The following TRIM11 variants were observed in gnomAD, a reference collection of about 807,000 sequenced individuals.
The protein encoded by TRIM11 is tripartite motif containing 11.
In TRIM11, 15 loss-of-function variants were observed where a neutral mutation model predicts 33.4. The observed-to-expected ratio is 0.45, with a 90% CI of 0.30 to 0.69. TRIM11 has a LOEUF of 0.69. TRIM11 is among the 30% of genes least tolerant of loss of function. TRIM11 has a pLI of 0.08. For missense variants in TRIM11, 499 were observed against 667.6 expected, an observed-to-expected ratio of 0.75 and a Z score of 2.78; for synonymous variants, 281 against 302.6, an observed-to-expected ratio of 0.93 and a Z score of 0.74.
At chr1:228,398,626 CATAA>C (rs533750336) in intron 3 of TRIM11, among the ~76,000 whole-genome samples, 32 of 152,114 alleles carry the variant, frequency 2.1e-4, no homozygotes, top group Middle Eastern at 6.8e-3. Context: ...ATAAATAATT[CATAA>C]ATAAATAAAT....
At chr1:228,399,816 G>C (rs1454667793) in intron 3 of TRIM11, among the ~76,000 whole-genome samples, 1 of 147,828 alleles carries the variant, frequency 6.8e-6, no homozygotes, top group African/African-American at 2.5e-5. Flanking sequence ...CTACCTACTG[G>C]GTACAGTGTG....
intron 1 of TRIM11, chr1:228,405,951 T>G: frequency 1.4e-5 from 7 of 483,310 alleles, no homozygotes; most frequent in Admixed American, 4.6e-5. Context: ...AGGGGCCTGG[T>G]TGAAACAGGC....
Position 228,400,314 on chromosome 1 carries a change from A to C in TRIM11, c.735+650T>G, listed in dbSNP as rs1656141960. 6.6e-6 allele frequency among the ~76,000 whole-genome samples: 1 copy of C among 152,208 alleles called. No individual in the cohort carries two copies. Among genetic ancestry groups the C allele is most frequent in the South Asian group, 2.1e-4 (1 of 4,830 alleles). On this transcript the variant is annotated intron_variant, in intron 3 of 5. Transcript: ENST00000284551. The surrounding 1 kb of genome is among the most constrained non-coding windows in gnomAD (Gnocchi z 4.5). Reference sequence around the variant, plus strand: ...CAGCATGGGAGTGCCGTCAGTCCTCATCAGTGCACGCTTGCCAAGCGGAGA... The same window carrying C: ...CAGCATGGGAGTGCCGTCAGTCCTCCTCAGTGCACGCTTGCCAAGCGGAGA...
rs1656176569 is a variant in TRIM11 at position 228,400,718 on chromosome 1, C to T, written c.735+246G>A. Among the ~76,000 whole-genome samples the T allele has an allele frequency of 6.6e-6, 1 of 152,188 alleles. No homozygotes were observed. Among genetic ancestry groups the T allele is most frequent in the Non-Finnish European group, 1.5e-5 (1 of 68,030 alleles). On this transcript the variant is annotated intron_variant, in intron 3 of 5. Coordinates refer to ENST00000284551, the MANE Select transcript of TRIM11 (RefSeq NM_145214.3). The surrounding 1 kb of genome is among the most constrained non-coding windows in gnomAD (Gnocchi z 4.5). ...TATGTAATCACTTAAGAAACATCAA[C>T]TGTTTACATCTACAGAGGAAAATTG... is the stretch of plus-strand genomic sequence containing the variant.
At chr1:228,405,906 G>A in intron 1 of TRIM11, 1 of 409,898 alleles carries the variant, frequency 2.4e-6, no homozygotes, top group Non-Finnish European at 4.2e-6. Context: ...ACCCCCGAGA[G>A]CAGGGTCTCA....
At position 228,394,368 on chromosome 1, in the gene TRIM11, A is replaced by C; in HGVS notation, c.*337T>G. 1 of 325,546 alleles carries C rather than the reference A, an allele frequency of 3.1e-6. No individual in the cohort carries two copies. Among genetic ancestry groups the C allele is most frequent in the Non-Finnish European group, 5.6e-6 (1 of 178,186 alleles). 20.2% of individuals were successfully genotyped at this position (325,546 alleles called of 1,614,324 possible). On this transcript the variant is annotated 3_prime_UTR_variant, in exon 6 of 6. Coordinates refer to ENST00000284551, the MANE Select transcript of TRIM11 (RefSeq NM_145214.3). This position sits in a 1 kb window ranked among gnomAD's most constrained non-coding sequence, Gnocchi z 6.2. ...ACTGTGCAGCTTAGGTGAACCCTGG[A>C]TTCTGCAAGCCCCAGTGGAGTTTTC...
chr1:228,399,800 G>A (rs1233341199), intron 3 of TRIM11, among the ~76,000 whole-genome samples: 1 of 151,188 alleles, frequency 6.6e-6, no homozygotes, highest in Non-Finnish European at 1.5e-5. Flanking sequence ...TTGGAGGTGG[G>A]GGAAACTACC....
Position 228,394,761 on chromosome 1 carries a change from G to A in TRIM11, c.1351C>T (p.Pro451Ser), listed in dbSNP as rs775433961. Reference sequence around the variant, plus strand: ...CCTTTCGGCCGGCAGATAGTCATCGGGGTCGGGCTGCTGGACAGGGGTGAG... The same window carrying A: ...CCTTTCGGCCGGCAGATAGTCATCGAGGTCGGGCTGCTGGACAGGGGTGAG... Reference protein sequence around the residue: ...LFSPLSSSPTPMTICRPKGGS... With the variant: ...LFSPLSSSPTSMTICRPKGGS... The change falls in exon 6 of 6, where the codon CCG becomes TCG. Residue 451 changes from proline to serine, a missense_variant. Coordinates refer to ENST00000284551, the MANE Select transcript of TRIM11 (RefSeq NM_145214.3). The surrounding 1 kb of genome is among the most constrained non-coding windows in gnomAD (Gnocchi z 6.2). 4 of 1,613,512 alleles carry A rather than the reference G, an allele frequency of 2.5e-6. No homozygotes were observed. In the East Asian group the frequency reaches 6.7e-5, roughly 27 times the overall value.
chr1:228,405,550 G>C (rs745623643), intron 1 of TRIM11: 1 of 152,292 alleles, frequency 6.6e-6, no homozygotes, highest in Non-Finnish European at 1.5e-5. Context: ...AGCAAGACAA[G>C]GGGAGAAAAG....
At position 228,406,280 on chromosome 1, in the gene TRIM11, C is replaced by T; in HGVS notation, c.282G>A (p.Ala94=). 1.3e-6 allele frequency: 2 copies of T among 1,491,946 alleles called. No homozygotes were observed. The highest frequency in any genetic ancestry group is 8.9e-7 in the Non-Finnish European group (1 of 1,127,590). 92.4% of individuals were successfully genotyped at this position (1,491,946 alleles called of 1,614,324 possible). ...AGAAGGCGGCCAGTGGCTCGCGGTG[C>T]GCGGGGCACACGCCCTGCGGGACCG... The part of the protein sequence containing the change: ...PSPVPQGVCP[A]HREPLAAFCG... Residue 94 remains alanine, a synonymous_variant, in exon 1 of 6, where the codon GCG becomes GCA. Coordinates refer to ENST00000284551, the MANE Select transcript of TRIM11 (RefSeq NM_145214.3). The surrounding 1 kb of genome is among the most constrained non-coding windows in gnomAD (Gnocchi z 8.2).
intron 1 of TRIM11, chr1:228,404,468 A>C (rs1416145468): frequency 6.6e-6 from 1 of 152,284 alleles, no homozygotes; most frequent in South Asian, 2.1e-4. Flanking sequence ...GGGGGCAGGT[A>C]AAAGCAGTTT....
Position 228,406,720 on chromosome 1 carries a change from GGGGACTCCAGGGCGCA to G in TRIM11, c.-175_-160del, listed in dbSNP as rs1160791868. ...CCCGGGTGCTCGGGCTCCGGGGCGC[GGGGACTCCAGGGCGCA>G]GGACTCTGGGTTTCGGTAGCGCTGG... On this transcript the variant is annotated 5_prime_UTR_variant, in exon 1 of 6. Transcript: ENST00000284551. The surrounding 1 kb of genome is among the most constrained non-coding windows in gnomAD (Gnocchi z 8.2). 1.2e-5 allele frequency: 7 copies of G among 595,114 alleles called. No individual in the cohort carries two copies. In the East Asian group the frequency reaches 2.6e-4, roughly 22 times the overall value. The allele number at this position is 595,114 out of a possible 1,614,324, so 36.9% of individuals were successfully genotyped here.
At chr1:228,404,140 G>A (rs1656319770) in intron 1 of TRIM11, 1 of 152,260 alleles carries the variant, frequency 6.6e-6, no homozygotes, top group African/African-American at 2.4e-5. Context: ...GGATGCTGGG[G>A]CTTGGTGCAG....
At chr1:228,402,039 C>G in intron 2 of TRIM11, 27 bp downstream of exon 2, 1 of 1,603,042 alleles carries the variant, frequency 6.2e-7, no homozygotes, top group Non-Finnish European at 8.5e-7. Context: ...CCCTGCCACC[C>G]AGGACCCTGG....
At chr1:228,397,258 C>G in intron 3 of TRIM11, 93 bp from the exon 4 acceptor site, 2 of 1,466,116 alleles carry the variant, frequency 1.4e-6, no homozygotes, top group Non-Finnish European at 1.9e-6. Context: ...GCCCCGTCCC[C>G]CTCTCCTACA....
rs2074960837 is a variant in TRIM11 at position 228,394,575 on chromosome 1, G to C, written c.*130C>G. The C allele has an allele frequency of 1.9e-6, 2 of 1,072,720 alleles. No homozygotes were observed. Among genetic ancestry groups the C allele is most frequent in the African/African-American group, 3.2e-5 (2 of 62,368 alleles). 66.5% of individuals were successfully genotyped at this position (1,072,720 alleles called of 1,614,324 possible). On this transcript the variant is annotated 3_prime_UTR_variant, in exon 6 of 6. Coordinates refer to ENST00000284551, the MANE Select transcript of TRIM11 (RefSeq NM_145214.3). This position sits in a 1 kb window ranked among gnomAD's most constrained non-coding sequence, Gnocchi z 6.2. ...ATTGGGGTTCTCCCACGCAGGCTCA[G>C]AAAGGCACCAGGAGTTCCTCCTCTT...
Position 228,400,677 on chromosome 1 carries a change from C to T in TRIM11, c.735+287G>A, listed in dbSNP as rs936510000. On this transcript the variant is annotated intron_variant, in intron 3 of 5. Coordinates refer to ENST00000284551, the MANE Select transcript of TRIM11 (RefSeq NM_145214.3). The surrounding 1 kb of genome is among the most constrained non-coding windows in gnomAD (Gnocchi z 4.5). ...CAGGGAGCAGCAGTGTCAGTCAGGA[C>T]GAGATGGAGTGACCTTATGTAATCA... Among the ~76,000 whole-genome samples, 2 of 152,170 alleles carry T rather than the reference C, an allele frequency of 1.3e-5. No individual in the cohort carries two copies. Among genetic ancestry groups the T allele is most frequent in the Non-Finnish European group, 2.9e-5 (2 of 68,028 alleles).
Position 228,401,996 on chromosome 1 carries a change from CT to C in TRIM11, c.504+69del. ...AAGTGTGCCTGGCCAGCATCGCCCCCTGGGGTCTCCTATACAGGACCTTCAC... is the reference window on the plus strand; with the variant it reads ...AAGTGTGCCTGGCCAGCATCGCCCCCGGGGTCTCCTATACAGGACCTTCAC... On this transcript the variant is annotated intron_variant, in intron 2 of 5. Coordinates refer to ENST00000284551, the MANE Select transcript of TRIM11 (RefSeq NM_145214.3). The surrounding 1 kb of genome is among the most constrained non-coding windows in gnomAD (Gnocchi z 6.1). The C allele has an allele frequency of 4.5e-6, 6 of 1,328,732 alleles. No individual in the cohort carries two copies. Among genetic ancestry groups the C allele is most frequent in the Non-Finnish European group, 6.2e-6 (6 of 960,292 alleles). The allele number at this position is 1,328,732 out of a possible 1,614,324, so 82.3% of individuals were successfully genotyped here. A position where few individuals can be genotyped will look rare whatever the true frequency, so the allele number is the denominator to read the frequency against.
At position 228,396,679 on chromosome 1, in the gene TRIM11, G is replaced by C. The variant is rs989340098; in HGVS notation, c.859+268C>G. On this transcript the variant is annotated intron_variant, in intron 5 of 5. Transcript: ENST00000284551. ...TGTGGGGTCTGTACTAACTCCTGTA[G>C]TGTCAGCACTGGCAATTCTGTTCAA... 5 of 717,416 alleles carry C rather than the reference G, an allele frequency of 7.0e-6. No homozygotes were observed. The African/African-American group carries it at 8.7e-5, about 13-fold the overall frequency. 44.4% of individuals were successfully genotyped at this position (717,416 alleles called of 1,614,324 possible). A position where few individuals can be genotyped will look rare whatever the true frequency, so the allele number is the denominator to read the frequency against.
Sources: allele counts gnomAD v4.1 joint callset (sites outside exome capture counted in the v4.1 genomes callset), GRCh38; gene constraint gnomAD v4.1.1; non-coding constraint Gnocchi (gnomAD v3.1); transcripts MANE v1.5; gene names NCBI Gene and HGNC (gene_info 2026-07-23, HGNC 2026-07-21).